Variants in WEE1 observed in about 807,000 individuals in gnomAD.
WEE1 encodes wee1-like protein kinase.
Under a neutral mutation model 68.8 loss-of-function variants are expected in WEE1, and 16 were observed. The observed-to-expected ratio is 0.23, with a 90% CI of 0.16 to 0.35. WEE1 has a LOEUF of 0.35. WEE1 is among the 10% of genes least tolerant of loss of function. The probability of loss-of-function intolerance (pLI) is 1.00; values close to 1 mark genes in which losing one functional copy is unlikely to be tolerated. For missense variants in WEE1, 651 were observed against 824.1 expected (o/e 0.79, Z 2.57); for synonymous variants, 349 against 318.7 (o/e 1.09, Z -1.01).
rs1849732381 is a variant in WEE1 at position 9,588,993 on chromosome 11, AT to A, written c.*393del. On this transcript the variant is annotated 3_prime_UTR_variant, in exon 11 of 11. Transcript: ENST00000450114. ...TGAAAAGGGACATGCTAAAAGACTCATTACTACTCAGCCTTCAATGTACCTG... is the reference window on the plus strand; with the variant it reads ...TGAAAAGGGACATGCTAAAAGACTCATACTACTCAGCCTTCAATGTACCTG... The A allele has an allele frequency of 2.0e-6, 2 of 986,614 alleles. No individual in the cohort carries two copies. The highest frequency in any genetic ancestry group is 3.5e-5 in the African/African-American group (2 of 57,232). 61.1% of individuals were successfully genotyped at this position (986,614 alleles called of 1,614,324 possible).
At chr11:9,582,469 C>G (rs1257315470) in intron 6 of WEE1, among the ~76,000 whole-genome samples, 1 of 152,132 alleles carries the variant, frequency 6.6e-6, no homozygotes, top group Non-Finnish European at 1.5e-5. Flanking sequence ...CTTTGGAAAC[C>G]TGTTGATTTG....
At chr11:9,588,175 C>T (rs1192822524) in intron 10 of WEE1, among the ~76,000 whole-genome samples, 1 of 152,074 alleles carries the variant, frequency 6.6e-6, no homozygotes, top group Non-Finnish European at 1.5e-5. Flanking sequence ...TCACCACATC[C>T]AGCTCAAATT....
chr11:9,586,565 T>C lies in WEE1; in HGVS notation c.1587T>C (p.Gly529=), dbSNP rs1589981504. The change falls in exon 9 of 11, where the codon GGT becomes GGC. Residue 529 remains glycine, a synonymous_variant. Coordinates refer to ENST00000450114, the MANE Select transcript of WEE1 (RefSeq NM_003390.4). ...NGDQWHEIRQ[G]RLPRIPQVLS... is the part of the protein sequence containing the mutation. ...ATCAATGGCATGAAATCAGACAGGG[T>C]AGATTACCTCGGATACCACAAGTGC... 12 of 1,614,156 alleles carry C rather than the reference T, an allele frequency of 7.4e-6. No individual in the cohort carries two copies. The highest frequency in any genetic ancestry group is 1.0e-5 in the Non-Finnish European group (12 of 1,180,030).
chr11:9,574,322 C>A lies in WEE1; in HGVS notation c.389C>A (p.Ala130Asp). ...GSSSPVKSPA[A>D]PYFLGSSFSP... ...TCGTCGCCGGTCAAGTCGCCGGCGG[C>A]CCCCTACTTCCTGGGTAGCTCTTTC... The change falls in exon 1 of 11, where the codon GCC (alanine) becomes GAC (aspartate). Residue 130 changes from alanine to aspartate, a missense_variant. By Grantham distance (126) the Ala-to-Asp change is moderately radical. Coordinates refer to ENST00000450114, the MANE Select transcript of WEE1 (RefSeq NM_003390.4). This position sits in a 1 kb window ranked among gnomAD's most constrained non-coding sequence, Gnocchi z 4.9. The A allele has an allele frequency of 7.9e-7, 1 of 1,271,732 alleles. No individual in the cohort carries two copies. Among genetic ancestry groups the A allele is most frequent in the Non-Finnish European group, 9.9e-7 (1 of 1,007,426 alleles). The allele number at this position is 1,271,732 out of a possible 1,614,324, so 78.8% of individuals were successfully genotyped here. A position where few individuals can be genotyped will look rare whatever the true frequency, so the allele number is the denominator to read the frequency against.
Position 9,573,777 on chromosome 11 carries a change from C to G in WEE1, c.-157C>G. ...GCCGCTGCCGCCACCGTCCGCAGCC[C>G]GAGCGCCCCGGAGCCGCAGGCCGCC... On this transcript the variant is annotated 5_prime_UTR_variant, in exon 1 of 11. Coordinates refer to ENST00000450114, the MANE Select transcript of WEE1 (RefSeq NM_003390.4). 1 of 468,032 alleles carries G rather than the reference C, an allele frequency of 2.1e-6. No homozygotes were observed. The highest frequency in any genetic ancestry group is 3.0e-6 in the Non-Finnish European group (1 of 332,504). 29.0% of individuals were successfully genotyped at this position (468,032 alleles called of 1,614,324 possible).
At chr11:9,583,802 C>CACACACACACAT (rs1295357946) in intron 6 of WEE1, among the ~76,000 whole-genome samples, 1 of 17,870 alleles carries the variant, frequency 5.6e-5, no homozygotes, top group Non-Finnish European at 9.9e-5. Flanking sequence ...CACACACACA[C>CACACACACACAT]ATATATATAT....
chr11:9,580,802 A>C (rs1849619239), intron 5 of WEE1: 1 of 152,230 alleles, frequency 6.6e-6, no homozygotes, highest in South Asian at 2.1e-4. Flanking sequence ...CTATAAAGAC[A>C]AGAAGAAATG....
Position 9,589,294 on chromosome 11 carries a change from A to G in WEE1, c.*692A>G. 1.0e-6 allele frequency: 1 copy of G among 980,720 alleles called. No homozygotes were observed. The highest frequency in any genetic ancestry group is 1.2e-6 in the Non-Finnish European group (1 of 828,016). The allele number at this position is 980,720 out of a possible 1,614,324, so 60.8% of individuals were successfully genotyped here. On this transcript the variant is annotated 3_prime_UTR_variant, in exon 11 of 11. Transcript: ENST00000450114. ...TTTGCCTTTTTTTTTTTTTCCTTTG[A>G]ACTTTGAAGCTAGTGCATTGGAAAA...
chr11:9,581,258 C>A, intron 5 of WEE1: 6 of 299,276 alleles, frequency 2.0e-5, no homozygotes, highest in Non-Finnish European at 3.6e-5. Flanking sequence ...AAAAGCCAAC[C>A]TGATAATACT....
intron 5 of WEE1, chr11:9,578,031 CTT>C (rs1272038117): frequency 7.9e-6 from 3 of 377,872 alleles, no homozygotes; most frequent in South Asian, 2.0e-5. Context: ...TTTCTCAACA[CTT>C]TTGTAGTTTA....
intron 5 of WEE1, chr11:9,581,053 A>G (rs1010853775): frequency 6.5e-6 from 1 of 154,204 alleles, no homozygotes; most frequent in Non-Finnish European, 1.4e-5. Flanking sequence ...GAGCATCAGT[A>G]TGGTGACCTC....
Position 9,581,521 on chromosome 11 carries a change from A to T in WEE1, c.1142-11A>T. 1 of 1,582,078 alleles carries T rather than the reference A, an allele frequency of 6.3e-7. No homozygotes were observed. The highest frequency in any genetic ancestry group is 8.5e-7 in the Non-Finnish European group (1 of 1,170,028). ...AAAGAAGAAAATGCTAATATTTTCT[A>T]TCTTTGTTAGGTGGAAGTTTAGCTG... On this transcript the variant is annotated splice_polypyrimidine_tract_variant and intron_variant, in intron 5 of 10. Coordinates refer to ENST00000450114, the MANE Select transcript of WEE1 (RefSeq NM_003390.4).
At position 9,588,650 on chromosome 11, in the gene WEE1, AG is replaced by A; in HGVS notation, c.*50del. 7.0e-7 allele frequency: 1 copy of A among 1,437,636 alleles called. No individual in the cohort carries two copies. Among genetic ancestry groups the A allele is most frequent in the Non-Finnish European group, 9.1e-7 (1 of 1,093,870 alleles). 89.1% of individuals were successfully genotyped at this position (1,437,636 alleles called of 1,614,324 possible). A position where few individuals can be genotyped will look rare whatever the true frequency, so the allele number is the denominator to read the frequency against. ...CTGAACACTGTGACAAGAGGAAGCT[AG>A]GTTGAAATCACTGATAGAATCCAGT... is the stretch of plus-strand genomic sequence containing the variant. On this transcript the variant is annotated 3_prime_UTR_variant, in exon 11 of 11. Coordinates refer to ENST00000450114, the MANE Select transcript of WEE1 (RefSeq NM_003390.4).
At chr11:9,575,002 A>G in intron 1 of WEE1, 1 of 985,784 alleles carries the variant, frequency 1.0e-6, no homozygotes, top group Non-Finnish European at 1.2e-6. Context: ...GATGGGGGAA[A>G]GGTCTGGGGC....
chr11:9,577,547 A>T, intron 5 of WEE1: 3 of 380,156 alleles, frequency 7.9e-6, no homozygotes, highest in South Asian at 2.5e-5. Flanking sequence ...TGGTGTCCGT[A>T]GTACCTAGCG....
Position 9,575,917 on chromosome 11 carries a change from TTCCAGC to T in WEE1, c.609_614del (p.Ser204_Ser205del). On this transcript the variant is annotated inframe_deletion, in exon 2 of 11. Coordinates refer to ENST00000450114, the MANE Select transcript of WEE1 (RefSeq NM_003390.4). ...TGCTCTCCAAAGCTCGGGGAATTGA[TTCCAGC>T]TCTGTTAAACTCCGGGGTAGTTCTC... The T allele has an allele frequency of 6.2e-7, 1 of 1,614,186 alleles. No individual in the cohort carries two copies.
rs1849738112 is a variant in WEE1 at position 9,589,406 on chromosome 11, G to A, written c.*804G>A. 23 of 984,330 alleles carry A rather than the reference G, an allele frequency of 2.3e-5. No individual in the cohort carries two copies. Among genetic ancestry groups the A allele is most frequent in the South Asian group, 4.7e-5 (1 of 21,244 alleles). 61.0% of individuals were successfully genotyped at this position (984,330 alleles called of 1,614,324 possible). A position where few individuals can be genotyped will look rare whatever the true frequency, so the allele number is the denominator to read the frequency against. On this transcript the variant is annotated 3_prime_UTR_variant, in exon 11 of 11. Coordinates refer to ENST00000450114, the MANE Select transcript of WEE1 (RefSeq NM_003390.4). Reference sequence around the variant, plus strand: ...AACTTGTTCTGGTAATGTCCTTCCCGGACTCTTTTTAAATGTCTCCCCCTA... The same window carrying A: ...AACTTGTTCTGGTAATGTCCTTCCCAGACTCTTTTTAAATGTCTCCCCCTA...
At position 9,574,113 on chromosome 11, in the gene WEE1, G is replaced by A. The variant is rs535098637; in HGVS notation, c.180G>A (p.Ser60=). The A allele has an allele frequency of 4.2e-4, 507 of 1,216,890 alleles. 3 individuals carry two copies. The African/African-American group carries it at 7.2e-3, about 17-fold the overall frequency. 75.4% of individuals were successfully genotyped at this position (1,216,890 alleles called of 1,614,324 possible). A position where few individuals can be genotyped will look rare whatever the true frequency, so the allele number is the denominator to read the frequency against. The part of the protein sequence containing the change: ...GEDSAFQEPD[S]PLPPARSPTE... ...ACTCGGCCTTTCAAGAGCCCGACTC[G>A]CCGCTGCCGCCCGCGCGGAGCCCCA... The change falls in exon 1 of 11, where the codon TCG becomes TCA. Residue 60 remains serine, a synonymous_variant. Coordinates refer to ENST00000450114, the MANE Select transcript of WEE1 (RefSeq NM_003390.4). The surrounding 1 kb of genome is among the most constrained non-coding windows in gnomAD (Gnocchi z 4.9).
chr11:9,583,914 C>T (rs1195979366), intron 6 of WEE1, among the ~76,000 whole-genome samples: 3 of 144,068 alleles, frequency 2.1e-5, no homozygotes, highest in Non-Finnish European at 3.0e-5. Context: ...AGTGCGATCT[C>T]GGCTCACTGC....
Sources: gnomAD v4.1 joint callset for allele counts (sites outside exome capture counted in the v4.1 genomes callset) on GRCh38, gnomAD v4.1.1 for gene constraint, Gnocchi (gnomAD v3.1) non-coding constraint, MANE v1.5 for transcripts, NCBI Gene and HGNC (gene_info 2026-07-23, HGNC 2026-07-21) for gene names.